Variants in RAPGEF5 observed in about 807,000 individuals in gnomAD.
RAPGEF5 encodes Rap guanine nucleotide exchange factor 5, also known as M-Ras-regulated GEF.
A neutral mutation model predicts 125.2 loss-of-function variants in RAPGEF5; 65 were observed. The ratio of observed to expected loss-of-function variants is 0.52; its 90% CI spans 0.43 to 0.64. The LOEUF is 0.64. Among genes scored for constraint, RAPGEF5 ranks in the 30% least tolerant of loss-of-function variants. The pLI is 0.00. For synonymous variants in RAPGEF5, 391 were observed against 385.9 expected, an observed-to-expected ratio of 1.01 and a Z score of -0.16; for missense variants, 958 against 1,048.1, an observed-to-expected ratio of 0.91 and a Z score of 1.19.
intron 6 of RAPGEF5, among the ~76,000 whole-genome samples, chr7:22,283,032 A>T (rs1270868539): frequency 7.1e-6 from 1 of 140,438 alleles, no homozygotes; most frequent in Non-Finnish European, 1.5e-5. Flanking sequence ...AAAAAAAAAT[A>T]TTCTGTAAAA....
intron 1 of RAPGEF5, among the ~76,000 whole-genome samples, chr7:22,350,047 A>T (rs982560478): frequency 6.6e-6 from 1 of 152,210 alleles, no homozygotes; most frequent in East Asian, 1.9e-4. Flanking sequence ...GATTTTTACT[A>T]TTTTATCTTC....
chr7:22,152,756 G>A (rs1487707684), intron 17 of RAPGEF5, among the ~76,000 whole-genome samples: 1 of 152,036 alleles, frequency 6.6e-6, no homozygotes, highest in African/African-American at 2.4e-5. Context: ...TATGTAACTA[G>A]AACAAGGATT....
chr7:22,136,013 G>A, intron 23 of RAPGEF5, 25 bp downstream of exon 23: 1 of 1,522,272 alleles, frequency 6.6e-7, no homozygotes, highest in South Asian at 1.2e-5. Flanking sequence ...GAAATTACAT[G>A]GCATAAAAGA....
chr7:22,316,671 T>A (rs928813073), intron 2 of RAPGEF5, among the ~76,000 whole-genome samples: 1 of 147,928 alleles, frequency 6.8e-6, no homozygotes, highest in Non-Finnish European at 1.5e-5. Context: ...TTGTTTTTTG[T>A]TTTTTTTTGT....
intron 1 of RAPGEF5, among the ~76,000 whole-genome samples, chr7:22,338,260 T>C (rs2128386235): frequency 6.6e-6 from 1 of 152,286 alleles, no homozygotes; most frequent in African/African-American, 2.4e-5. Context: ...GACACCAACC[T>C]TACCAAGGTA....
chr7:22,300,094 G>A (rs1234684612), intron 5 of RAPGEF5, among the ~76,000 whole-genome samples: 1 of 151,958 alleles, frequency 6.6e-6, no homozygotes, highest in Non-Finnish European at 1.5e-5. Context: ...CCTCTCCTGG[G>A]ATGCCAACAT....
rs770236677 is a variant in RAPGEF5, at chr7:22,300,177, C to T, written c.680+8162G>A. On this transcript the variant is annotated intron_variant, in intron 5 of 25. Transcript: ENST00000665637. ...CTTCTTCAATGTTTTTTTTCTTGTC[C>T]TGCACACTGGATAATTTATAATGAG... Among the ~76,000 whole-genome samples the T allele has an allele frequency of 2.2e-4, 34 of 152,136 alleles. 1 individual carries two copies. The highest frequency in any genetic ancestry group is 4.4e-5 in the Non-Finnish European group (3 of 68,020).
chr7:22,346,047 C>T (rs2080760576), intron 1 of RAPGEF5, among the ~76,000 whole-genome samples: 2 of 152,218 alleles, frequency 1.3e-5, no homozygotes, highest in African/African-American at 4.8e-5. Flanking sequence ...AAACACCCAT[C>T]TTTCCATTTG....
intron 1 of RAPGEF5, among the ~76,000 whole-genome samples, chr7:22,347,998 G>C (rs1047810950): frequency 6.6e-6 from 1 of 152,140 alleles, no homozygotes; most frequent in African/African-American, 2.4e-5. Context: ...AACTGAATGA[G>C]TACTTATATC....
At chr7:22,208,938 G>C (rs1456420241) in intron 9 of RAPGEF5, among the ~76,000 whole-genome samples, 1 of 152,222 alleles carries the variant, frequency 6.6e-6, no homozygotes, top group South Asian at 2.1e-4. Flanking sequence ...TGCAGCTGCA[G>C]ATGCTGAAGG....
chr7:22,134,861 G>A (rs562811839), intron 23 of RAPGEF5, among the ~76,000 whole-genome samples: 5 of 152,214 alleles, frequency 3.3e-5, no homozygotes, highest in East Asian at 1.9e-4. Context: ...TTTATTTCAC[G>A]CATTTGTATT....
At position 22,194,016 on chromosome 7, in the gene RAPGEF5, C is replaced by T. The variant is rs764569552; in HGVS notation, c.1014G>A (p.Thr338=). Residue 338 remains threonine (T), a synonymous_variant, in exon 10 of 26, where the codon ACG becomes ACA. Coordinates refer to ENST00000665637, the MANE Select transcript of RAPGEF5 (RefSeq NM_012294.5). ...EKSEHQDDEV[T]TVQVKEQDQS... ...GGTCTTGCTCTTTAACCTGAACAGT[C>T]GTCACTTCATCATCTTGCTTTAATT... 13 of 1,613,526 alleles carry T rather than the reference C, an allele frequency of 8.1e-6. No individual in the cohort carries two copies. The highest frequency in any genetic ancestry group is 1.6e-4 in the Middle Eastern group (1 of 6,082).
intron 8 of RAPGEF5, among the ~76,000 whole-genome samples, chr7:22,223,959 G>A (rs1785852769): frequency 6.6e-6 from 1 of 152,064 alleles, no homozygotes; most frequent in Non-Finnish European, 1.5e-5. Context: ...TAGGTCATGG[G>A]GTCTCTGTTG....
chr7:22,334,018 C>T (rs1783978525), intron 1 of RAPGEF5, among the ~76,000 whole-genome samples: 1 of 145,836 alleles, frequency 6.9e-6, no homozygotes, highest in African/African-American at 2.5e-5. Flanking sequence ...GCAGCCAAGA[C>T]AGAGCGGACA....
chr7:22,329,765 T>A (rs902058631), intron 1 of RAPGEF5, among the ~76,000 whole-genome samples: 1 of 152,222 alleles, frequency 6.6e-6, no homozygotes, highest in Non-Finnish European at 1.5e-5. Context: ...CAGCCCATGC[T>A]GAGGTCCGAA....
chr7:22,357,104 T>C lies in RAPGEF5; in HGVS notation c.-44A>G, dbSNP rs2128391097. On this transcript the variant is annotated 5_prime_UTR_variant, in exon 1 of 26. Coordinates refer to ENST00000665637, the MANE Select transcript of RAPGEF5 (RefSeq NM_012294.5). ...CGCCGGGGGCTCCTCTCCACCGCGC[T>C]CGCCTCCGCGCGCCGTCCGCGCCTT... 6 of 956,256 alleles carry C rather than the reference T, an allele frequency of 6.3e-6. No individual in the cohort carries two copies. Among genetic ancestry groups the C allele is most frequent in the Non-Finnish European group, 7.5e-6 (6 of 795,818 alleles). The allele number at this position is 956,256 out of a possible 1,614,324, so 59.2% of individuals were successfully genotyped here. A position where few individuals can be genotyped will look rare whatever the true frequency, so the allele number is the denominator to read the frequency against.
At chr7:22,146,762 T>C in intron 19 of RAPGEF5, 135 bp downstream of exon 19, 5 of 1,139,976 alleles carry the variant, frequency 4.4e-6, no homozygotes, top group East Asian at 2.7e-5. Flanking sequence ...AGTCTTTCAA[T>C]ATATTTCAAG....
At chr7:22,137,585 T>C (rs1783117574) in intron 21 of RAPGEF5, among the ~76,000 whole-genome samples, 1 of 152,214 alleles carries the variant, frequency 6.6e-6, no homozygotes, top group South Asian at 2.1e-4. Flanking sequence ...CAGCCTGCTT[T>C]TAACATGGCT....
At chr7:22,315,554 T>TGA in intron 2 of RAPGEF5, 78 bp from the exon 3 acceptor site, 1 of 565,886 alleles carries the variant, frequency 1.8e-6, no homozygotes, top group Non-Finnish European at 2.3e-6. Flanking sequence ...ATACTATATA[T>TGA]ATATATATAT....
Sources: allele counts gnomAD v4.1 joint callset (sites outside exome capture counted in the v4.1 genomes callset), GRCh38; gene constraint gnomAD v4.1.1; transcripts MANE v1.5; gene names NCBI Gene and HGNC (gene_info 2026-07-23, HGNC 2026-07-21).